PFKL: variants seen among roughly 807,000 people sequenced by gnomAD.
PFKL encodes the protein ATP-dependent 6-phosphofructokinase, liver type.
Under a neutral mutation model 92.1 loss-of-function variants are expected in PFKL, and 74 were observed. The observed-to-expected ratio is 0.80, with a 90% CI of 0.67 to 0.97. The LOEUF (loss-of-function observed/expected upper bound fraction) is 0.97, where lower values mean the gene tolerates loss of function less well. PFKL is among the 50% of genes least tolerant of loss of function. The probability of loss-of-function intolerance (pLI) is 0.00; values close to 1 mark genes in which losing one functional copy is unlikely to be tolerated. For missense variants in PFKL, 1,028 were observed against 1,116.6 expected (o/e 0.92, Z 1.13); for synonymous variants, 494 against 456.4 (o/e 1.08, Z -1.05).
Position 44,320,080 on chromosome 21 carries a change from C to T in PFKL, c.1128-4C>T, listed in dbSNP as rs781249856. Reference sequence around the variant, plus strand: ...GTGCATGGTGTGACCCGAATCCCTTCCAGGAGCTTCGAGAACAACTGGAAC... The same window carrying T: ...GTGCATGGTGTGACCCGAATCCCTTTCAGGAGCTTCGAGAACAACTGGAAC... On this transcript the variant is annotated splice_polypyrimidine_tract_variant and splice_region_variant and intron_variant, in intron 11 of 21. Transcript: ENST00000349048. The T allele has an allele frequency of 1.9e-6, 3 of 1,613,058 alleles. No homozygotes were observed. The highest frequency in any genetic ancestry group is 2.5e-6 in the Non-Finnish European group (3 of 1,179,516).
At chr21:44,304,292 C>T (rs939868241) in intron 1 of PFKL, 1 of 1,289,130 alleles carries the variant, frequency 7.8e-7, no homozygotes, top group Non-Finnish European at 1.0e-6. Context: ...GACAAGCCCA[C>T]CAGGCCCCCT....
chr21:44,324,890 C>G lies in PFKL; in HGVS notation c.1850C>G (p.Thr617Arg). 2 of 1,608,832 alleles carry G rather than the reference C, an allele frequency of 1.2e-6. No homozygotes were observed. The highest frequency in any genetic ancestry group is 2.2e-5 in the East Asian group (1 of 44,628). The change falls in exon 18 of 22, where the codon ACA (threonine) becomes AGA (arginine). Residue 617 changes from threonine (T) to arginine (R), a missense_variant. Physicochemically the swap from Thr to Arg is moderately conservative, Grantham distance 71. Transcript: ENST00000349048. ...NVEHMTEKMK[T>R]DIQRGLVLRN... is the part of the protein sequence containing the mutation. The stretch of plus-strand genomic sequence containing the variant: ...GAGCACATGACGGAGAAGATGAAGA[C>G]AGACATTCAGAGGGGCCTGGTGCTG...
chr21:44,306,564 C>G, intron 1 of PFKL, 117 bp from the exon 2 acceptor site: 1 of 836,684 alleles, frequency 1.2e-6, no homozygotes, highest in South Asian at 1.6e-5. Flanking sequence ...CACCACCCGC[C>G]CTCTGAGATG....
At chr21:44,314,153 G>GCGTGTCCCGCCCCCAA in intron 7 of PFKL, 132 bp downstream of exon 7, 1 of 676,876 alleles carries the variant, frequency 1.5e-6, no homozygotes, top group Non-Finnish European at 2.6e-6. Flanking sequence ...GGTGCCCCTT[G>GCGTGTCCCGCCCCCAA]GGGGCGGGAC....
At chr21:44,304,157 A>T in intron 1 of PFKL, 3 of 1,257,126 alleles carry the variant, frequency 2.4e-6, no homozygotes, top group Non-Finnish European at 3.1e-6. Flanking sequence ...GGGTTTTGGC[A>T]GCTTCATTGT....
intron 2 of PFKL, chr21:44,307,368 C>T: frequency 2.1e-6 from 2 of 930,422 alleles, no homozygotes; most frequent in Non-Finnish European, 2.6e-6. Flanking sequence ...CATGTGCACA[C>T]ACAGGCGCAT....
At position 44,303,187 on chromosome 21, in the gene PFKL, C is replaced by G. The variant is rs556084329; in HGVS notation, c.85+2997C>G. Reference sequence around the variant, plus strand: ...GGTGCAGGTTGCAGTGAGCCGAGATCGAGCCACGGCACTCTAGCCTGGGCG... The same window carrying G: ...GGTGCAGGTTGCAGTGAGCCGAGATGGAGCCACGGCACTCTAGCCTGGGCG... On this transcript the variant is annotated intron_variant, in intron 1 of 21. Transcript: ENST00000349048. Among the ~76,000 whole-genome samples, 77 of 151,640 alleles carry G rather than the reference C, an allele frequency of 5.1e-4. 1 individual carries two copies. The highest frequency in any genetic ancestry group is 1.8e-3 in the African/African-American group (76 of 41,254).
rs1389217630 is a variant in PFKL at position 44,313,982 on chromosome 21, G to C, written c.708G>C (p.Glu236Asp). 2.5e-6 allele frequency: 4 copies of C among 1,608,030 alleles called. No individual in the cohort carries two copies. The African/African-American group carries it at 5.3e-5, about 21-fold the overall frequency. The stretch of plus-strand genomic sequence containing the variant: ...TGTTCATCCCCGAGGCTCCACCCGA[G>C]GACGGCTGGGAGAACTTCATGTGTG... Reference protein sequence around the residue: ...DWLFIPEAPPEDGWENFMCER... With the variant: ...DWLFIPEAPPDDGWENFMCER... The change falls in exon 7 of 22, where the codon GAG becomes GAC. Residue 236 changes from glutamate (E) to aspartate (D), a missense_variant. Physicochemically the swap from Glu to Asp is conservative, Grantham distance 45 (BLOSUM62 2). Coordinates refer to ENST00000349048, the MANE Select transcript of PFKL (RefSeq NM_002626.6).
chr21:44,306,623 G>GA, intron 1 of PFKL, 58 bp from the exon 2 acceptor site: 2 of 1,485,300 alleles, frequency 1.3e-6, no homozygotes, highest in Non-Finnish European at 1.9e-6. Context: ...AGATGGGGAG[G>GA]GTGTCCAGGG....
At chr21:44,303,334 C>T (rs903549165) in intron 1 of PFKL, among the ~76,000 whole-genome samples, 4 of 149,058 alleles carry the variant, frequency 2.7e-5, no homozygotes, top group Non-Finnish European at 5.9e-5. Context: ...TCGCTTGAAC[C>T]GGGGAGGCAG....
Position 44,324,525 on chromosome 21 carries a change from C to T in PFKL, c.1685C>T (p.Thr562Ile). ...CGCATCAAACAGTCTGCCTCGGGGACCAAGCGCCGTGTGTTCATCGTGGAG... is the reference window on the plus strand; with the variant it reads ...CGCATCAAACAGTCTGCCTCGGGGATCAAGCGCCGTGTGTTCATCGTGGAG... ...CDRIKQSASGTKRRVFIVETM... is the reference protein window; with the variant it reads ...CDRIKQSASGIKRRVFIVETM... Residue 562 changes from threonine to isoleucine, a missense_variant, in exon 17 of 22, where the codon ACC becomes ATC. By Grantham distance (89) the Thr-to-Ile change is moderately conservative. Coordinates refer to ENST00000349048, the MANE Select transcript of PFKL (RefSeq NM_002626.6). 3 of 1,613,376 alleles carry T rather than the reference C, an allele frequency of 1.9e-6. No homozygotes were observed. Among genetic ancestry groups the T allele is most frequent in the Non-Finnish European group, 1.7e-6 (2 of 1,179,866 alleles).
chr21:44,302,107 C>T (rs558738776), intron 1 of PFKL, among the ~76,000 whole-genome samples: 14 of 152,344 alleles, frequency 9.2e-5, no homozygotes, highest in African/African-American at 3.4e-4. Context: ...ACTGCTCAGC[C>T]TGGCCCCAGT....
chr21:44,300,277 G>T, intron 1 of PFKL, 87 bp downstream of exon 1: 3 of 607,484 alleles, frequency 4.9e-6, no homozygotes, highest in South Asian at 7.1e-5. Context: ...CGAGCCCCGG[G>T]ACCCGGGTCT....
At chr21:44,317,798 C>T (rs935725947) in intron 9 of PFKL, among the ~76,000 whole-genome samples, 3 of 152,232 alleles carry the variant, frequency 2.0e-5, no homozygotes, top group African/African-American at 4.8e-5. Flanking sequence ...CCCTAAACAG[C>T]GTCCTGGAGA....
intron 1 of PFKL, chr21:44,305,650 C>T: frequency 2.3e-6 from 2 of 862,222 alleles, no homozygotes; most frequent in South Asian, 1.7e-5. Flanking sequence ...CGTGGGTTTC[C>T]TCCTCTCTGA....
At position 44,313,110 on chromosome 21, in the gene PFKL, A is replaced by T. The variant is rs2047098688; in HGVS notation, c.560A>T (p.Glu187Val). Residue 187 changes from glutamate to valine, a missense_variant, in exon 5 of 22, where the codon GAG becomes GTG. Coordinates refer to ENST00000349048, the MANE Select transcript of PFKL (RefSeq NM_002626.6). Reference protein sequence around the residue: ...GTDSALHRIMEVIDAITTTAQ... With the variant: ...GTDSALHRIMVVIDAITTTAQ... ...GACTCGGCCCTCCACCGCATCATGG[A>T]GGTCATCGATGCCATCACCACCACT... The T allele has an allele frequency of 5.6e-6, 9 of 1,612,756 alleles. No individual in the cohort carries two copies. The highest frequency in any genetic ancestry group is 1.3e-5 in the African/African-American group (1 of 74,892).
intron 2 of PFKL, among the ~76,000 whole-genome samples, chr21:44,308,559 ATTT>A (rs532812261): frequency 1.5e-5 from 2 of 133,614 alleles, no homozygotes; most frequent in Non-Finnish European, 1.6e-5. Context: ...GGGGGTAGGA[ATTT>A]TTTTTTTTTT....
At chr21:44,326,631 G>A (rs554764324) in intron 21 of PFKL, 84 bp from the exon 22 acceptor site, 42 of 1,472,604 alleles carry the variant, frequency 2.9e-5, no homozygotes, top group Non-Finnish European at 3.8e-5. Context: ...GCAGGGTCGG[G>A]GGGGGTGGGG....
intron 19 of PFKL, 195 bp downstream of exon 19, chr21:44,325,459 G>T: frequency 1.7e-6 from 1 of 592,804 alleles, no homozygotes; most frequent in Middle Eastern, 4.5e-4. Flanking sequence ...GGGTGGGGCT[G>T]GGGCTGGAGC....
Sources: gnomAD v4.1 joint callset for allele counts (sites outside exome capture counted in the v4.1 genomes callset) on GRCh38, gnomAD v4.1.1 for gene constraint, MANE v1.5 for transcripts, NCBI Gene and HGNC (gene_info 2026-07-23, HGNC 2026-07-21) for gene names.